Variants in TUBGCP3 observed in about 807,000 individuals in gnomAD.
TUBGCP3 encodes the protein gamma-tubulin complex component 3.
A neutral mutation model predicts 123.1 loss-of-function variants in TUBGCP3; 50 were observed. The observed-to-expected ratio is 0.41, with a 90% CI of 0.32 to 0.51. TUBGCP3 has a LOEUF of 0.51. Ranked by LOEUF, TUBGCP3 falls within the 20% of genes least tolerant of loss-of-function variation. The probability of loss-of-function intolerance (pLI) is 0.36; values close to 1 mark genes in which losing one functional copy is unlikely to be tolerated. For synonymous variants in TUBGCP3, 405 were observed against 413.9 expected (o/e 0.98, Z 0.26); for missense variants, 882 against 1,127.0 (o/e 0.78, Z 3.11).
intron 19 of TUBGCP3, among the ~76,000 whole-genome samples, chr13:112,501,945 T>C (rs934247717): frequency 1.3e-5 from 2 of 152,326 alleles, no homozygotes. Flanking sequence ...AAGGTTCACA[T>C]CTGTAAGTGG....
chr13:112,527,332 GC>G, intron 12 of TUBGCP3, 41 bp downstream of exon 12: 1 of 1,350,782 alleles, frequency 7.4e-7, no homozygotes, highest in Non-Finnish European at 1.0e-6. Context: ...AGTATACATA[GC>G]CATAAAACAT....
At chr13:112,601,582 G>T in the TUBGCP3 span, among the ~76,000 whole-genome samples, 1 of 152,120 alleles carries the variant, frequency 6.6e-6, no homozygotes, top group Non-Finnish European at 1.5e-5. Flanking sequence ...GGAATGTCGG[G>T]TTCTGAGGTC....
At chr13:112,502,615 G>A (rs1189551025) in intron 19 of TUBGCP3, among the ~76,000 whole-genome samples, 7 of 137,504 alleles carry the variant, frequency 5.1e-5, no homozygotes, top group Admixed American at 4.9e-4. Context: ...GCGCAATCTT[G>A]GCTCACTGCA....
intron 11 of TUBGCP3, among the ~76,000 whole-genome samples, chr13:112,531,332 T>A (rs188631691): frequency 6.6e-6 from 1 of 152,318 alleles, no homozygotes; most frequent in East Asian, 1.9e-4. Flanking sequence ...TTTTAGCCTT[T>A]TGAGATCTAT....
Position 112,485,971 on chromosome 13 carries a change from C to T in TUBGCP3, c.*22G>A, listed in dbSNP as rs1189081780. 8.5e-6 allele frequency: 13 copies of T among 1,522,550 alleles called. No individual in the cohort carries two copies. Among genetic ancestry groups the T allele is most frequent in the African/African-American group, 1.4e-5 (1 of 72,226 alleles). 94.3% of individuals were successfully genotyped at this position (1,522,550 alleles called of 1,614,324 possible). A position where few individuals can be genotyped will look rare whatever the true frequency, so the allele number is the denominator to read the frequency against. ...GCAGTGCAACGAACATCACCCGCAG[C>T]TCCCTGGGAGGACCGCGAGCTTCAC... is the stretch of plus-strand genomic sequence containing the variant. On this transcript the variant is annotated 3_prime_UTR_variant, in exon 22 of 22. Transcript: ENST00000261965.
intron 20 of TUBGCP3, among the ~76,000 whole-genome samples, chr13:112,491,994 G>A (rs954909675): frequency 3.9e-5 from 6 of 152,152 alleles, no homozygotes; most frequent in Non-Finnish European, 5.9e-5. Context: ...CATGCTTTCC[G>A]GTTTGAGGGT....
At chr13:112,573,727 G>A (rs1881593468) in intron 1 of TUBGCP3, among the ~76,000 whole-genome samples, 1 of 152,210 alleles carries the variant, frequency 6.6e-6, no homozygotes, top group African/African-American at 2.4e-5. Flanking sequence ...GCTGGTGCCA[G>A]GGTGGGATAG....
rs531157364 is a variant in TUBGCP3, at chr13:112,515,851, G to A, written c.2086+589C>T. ...GAGCTGGTAAAGAAGCAGAGATCATGAACTGCTTTCTCCAAACAACTGCTC... is the reference window on the plus strand; with the variant it reads ...GAGCTGGTAAAGAAGCAGAGATCATAAACTGCTTTCTCCAAACAACTGCTC... On this transcript the variant is annotated intron_variant, in intron 17 of 21. Transcript: ENST00000261965. Among the ~76,000 whole-genome samples, 16 of 152,308 alleles carry A rather than the reference G, an allele frequency of 1.1e-4. No homozygotes were observed. In the South Asian group the frequency reaches 3.3e-3, roughly 32 times the overall value.
At chr13:112,544,452 C>CAAAAAAA (rs1210946326) in intron 11 of TUBGCP3, 2 of 49,186 alleles carry the variant, frequency 4.1e-5, no homozygotes, top group South Asian at 9.1e-4. Context: ...GACTCTGTCT[C>CAAAAAAA]AAAAAAAAAA....
intron 20 of TUBGCP3, among the ~76,000 whole-genome samples, chr13:112,495,866 G>A (rs1237827454): frequency 6.6e-6 from 1 of 152,108 alleles, no homozygotes; most frequent in Non-Finnish European, 1.5e-5. Flanking sequence ...AGCCTTACGG[G>A]AGCACTTATT....
intron 8 of TUBGCP3, among the ~76,000 whole-genome samples, chr13:112,548,622 C>G (rs1879273160): frequency 6.6e-6 from 1 of 152,186 alleles, no homozygotes; most frequent in South Asian, 2.1e-4. Flanking sequence ...CTACAAAGAA[C>G]TTAAACAAAT....
intron 3 of TUBGCP3, among the ~76,000 whole-genome samples, chr13:112,563,469 G>A (rs759099140): frequency 2.6e-5 from 4 of 152,010 alleles, no homozygotes; most frequent in East Asian, 3.8e-4. Flanking sequence ...TTTTGGGGAC[G>A]AGCCCTAGGG....
the TUBGCP3 span, among the ~76,000 whole-genome samples, chr13:112,602,528 A>T: frequency 6.6e-6 from 1 of 152,160 alleles, no homozygotes. Context: ...TTTGAAACAC[A>T]TGAATGCCCA....
chr13:112,578,602 TATC>T (rs1465702999), intron 1 of TUBGCP3, among the ~76,000 whole-genome samples: 1 of 147,468 alleles, frequency 6.8e-6, no homozygotes, highest in African/African-American at 2.5e-5. Flanking sequence ...TGCTCTCCAT[TATC>T]TCAAGTAGCA....
intron 5 of TUBGCP3, among the ~76,000 whole-genome samples, chr13:112,557,073 T>C (rs966340537): frequency 6.6e-6 from 1 of 152,168 alleles, no homozygotes; most frequent in Non-Finnish European, 1.5e-5. Context: ...TTTATTCCAT[T>C]TTCATCAGGA....
At chr13:112,551,063 C>A (rs1391469441) in intron 8 of TUBGCP3, among the ~76,000 whole-genome samples, 1 of 151,990 alleles carries the variant, frequency 6.6e-6, no homozygotes, top group Middle Eastern at 3.2e-3. Flanking sequence ...CGCGCCACTG[C>A]ACTCCAGCCT....
At chr13:112,552,992 CCACACA>C in intron 8 of TUBGCP3, among the ~76,000 whole-genome samples, 2 of 151,868 alleles carry the variant, frequency 1.3e-5, no homozygotes, top group South Asian at 4.2e-4. Context: ...TACTCACCAG[CCACACA>C]TTCTTACCCA....
chr13:112,525,108 T>C (rs916669156), intron 13 of TUBGCP3, among the ~76,000 whole-genome samples: 3 of 152,184 alleles, frequency 2.0e-5, no homozygotes, highest in Non-Finnish European at 4.4e-5. Context: ...CTATCCTGCT[T>C]CCTACATGAG....
upstream of TUBGCP3, among the ~76,000 whole-genome samples, chr13:112,590,388 G>A (rs745897259): frequency 1.6e-4 from 24 of 152,068 alleles, no homozygotes; most frequent in Non-Finnish European, 2.5e-4. Flanking sequence ...TGTTGCTCAC[G>A]GGTATACAGT....
Sources: allele counts gnomAD v4.1 joint callset (sites outside exome capture counted in the v4.1 genomes callset), GRCh38; gene constraint gnomAD v4.1.1; transcripts MANE v1.5; gene names NCBI Gene and HGNC (gene_info 2026-07-23, HGNC 2026-07-21).